WDR37: variants seen among roughly 807,000 people sequenced by gnomAD.
WDR37 encodes the protein WD repeat domain 37.
A neutral mutation model predicts 62.9 loss-of-function variants in WDR37; 19 were observed. The ratio of observed to expected loss-of-function variants is 0.30; its 90% CI spans 0.21 to 0.44. The LOEUF is 0.44. WDR37 is among the 20% of genes least tolerant of loss of function. The pLI, the probability that WDR37 is intolerant of heterozygous loss-of-function variation, is 1.00. For missense variants in WDR37, 474 were observed against 657.6 expected (o/e 0.72, Z 3.05); for synonymous variants, 250 against 260.9 (o/e 0.96, Z 0.40).
chr10:1,122,074 C>T (rs1835598909), intron 11 of WDR37, among the ~76,000 whole-genome samples: 1 of 152,112 alleles, frequency 6.6e-6, no homozygotes, highest in Non-Finnish European at 1.5e-5. Flanking sequence ...TGGTGCTTCT[C>T]TCATCCAGGG....
chr10:1,072,229 T>C lies in WDR37; in HGVS notation c.74T>C (p.Ile25Thr). 1 of 1,614,160 alleles carries C rather than the reference T, an allele frequency of 6.2e-7. No homozygotes were observed. The highest frequency in any genetic ancestry group is 8.5e-7 in the Non-Finnish European group (1 of 1,180,026). ...AAGCGCAAATCCCATAGCCTTTCTA[T>C]ACGAAGAACTAACAGCTCGGAGCAG... ...KQKRKSHSLS[I>T]RRTNSSEQER... The change falls in exon 2 of 14, where the codon ATA becomes ACA. Residue 25 changes from isoleucine to threonine, a missense_variant. Physicochemically the swap from Ile to Thr is moderately conservative, Grantham distance 89. Coordinates refer to ENST00000263150, the MANE Select transcript of WDR37 (RefSeq NM_014023.4).
At chr10:1,078,045 A>G (rs1387774085) in intron 3 of WDR37, 42 bp downstream of exon 3, 1 of 1,447,028 alleles carries the variant, frequency 6.9e-7, no homozygotes, top group African/African-American at 1.4e-5. Context: ...AGCTTTACCT[A>G]TCCATAGTCA....
intron 11 of WDR37, among the ~76,000 whole-genome samples, chr10:1,110,602 G>C (rs976790313): frequency 3.3e-5 from 5 of 152,210 alleles, no homozygotes; most frequent in Non-Finnish European, 4.4e-5. Flanking sequence ...GGTGAGGTCC[G>C]GGGTGCGGGT....
At chr10:1,101,242 G>A (rs1345906781) in intron 9 of WDR37, among the ~76,000 whole-genome samples, 1 of 152,114 alleles carries the variant, frequency 6.6e-6, no homozygotes, top group Admixed American at 6.5e-5. Context: ...CAACAGATCC[G>A]TGTTCTAAAC....
At chr10:1,087,894 G>T (rs943849228) in intron 7 of WDR37, among the ~76,000 whole-genome samples, 2 of 152,168 alleles carry the variant, frequency 1.3e-5, no homozygotes, top group Admixed American at 6.5e-5. Context: ...CCAATATAAG[G>T]CTGTTTGTTT....
At chr10:1,093,393 A>G (rs1408857015) in intron 7 of WDR37, 59 bp from the exon 8 acceptor site, 2 of 1,362,270 alleles carry the variant, frequency 1.5e-6, no homozygotes, top group African/African-American at 1.4e-5. Context: ...TAGCTAATAA[A>G]TGTTGATAAC....
intron 12 of WDR37, 88 bp from the exon 13 acceptor site, chr10:1,124,822 A>G (rs943798911): frequency 2.6e-6 from 4 of 1,515,520 alleles, no homozygotes; most frequent in Non-Finnish European, 3.6e-6. Flanking sequence ...TGTGAATAAT[A>G]TGGAACCTCC....
intron 1 of WDR37, among the ~76,000 whole-genome samples, chr10:1,068,041 A>G (rs867395704): frequency 6.6e-6 from 1 of 152,070 alleles, no homozygotes; most frequent in South Asian, 2.1e-4. Flanking sequence ...TAAACAGTGG[A>G]AAAATAGATA....
intron 11 of WDR37, among the ~76,000 whole-genome samples, chr10:1,111,209 T>C (rs992298329): frequency 3.9e-4 from 59 of 152,374 alleles, no homozygotes; most frequent in African/African-American, 1.2e-3. Context: ...TTGTAGGAAC[T>C]AAGCGTAAAT....
chr10:1,114,321 A>G (rs1290032411), intron 11 of WDR37, among the ~76,000 whole-genome samples: 2 of 152,172 alleles, frequency 1.3e-5, no homozygotes, highest in East Asian at 3.9e-4. Flanking sequence ...GGAGAAATCA[A>G]TTGCTATAGC....
chr10:1,071,043 C>T (rs1449004558), intron 1 of WDR37, among the ~76,000 whole-genome samples: 1 of 152,218 alleles, frequency 6.6e-6, no homozygotes, highest in Admixed American at 6.5e-5. Flanking sequence ...CGTAAGTCAC[C>T]ATTGTAACTG....
chr10:1,126,372 C>T (rs574657032), intron 13 of WDR37, among the ~76,000 whole-genome samples: 13 of 149,698 alleles, frequency 8.7e-5, no homozygotes, highest in South Asian at 8.5e-4. Context: ...CGCCACTGCA[C>T]TCCAGCCTGG....
At chr10:1,086,241 A>C (rs373581585) in intron 6 of WDR37, 45 bp from the exon 7 acceptor site, 43 of 1,532,236 alleles carry the variant, frequency 2.8e-5, no homozygotes, top group Middle Eastern at 1.7e-4. Context: ...AAAAACTATA[A>C]ACTGATGATA....
At chr10:1,101,974 A>T (rs1418412678) in intron 9 of WDR37, among the ~76,000 whole-genome samples, 4 of 151,138 alleles carry the variant, frequency 2.6e-5, no homozygotes, top group Non-Finnish European at 4.4e-5. Flanking sequence ...TCCATGTGAT[A>T]TGTGTTCCCG....
chr10:1,123,716 C>T (rs1835656575), intron 11 of WDR37: 1 of 152,714 alleles, frequency 6.5e-6, no homozygotes, highest in South Asian at 2.1e-4. Flanking sequence ...AATGTTGATC[C>T]AAGTCCTTTG....
intron 1 of WDR37, among the ~76,000 whole-genome samples, chr10:1,061,757 G>T (rs7093383): frequency 0.91 from 138,147 of 151,648 alleles, 63,057 homozygotes; most frequent in Non-Finnish European, 0.93. Flanking sequence ...GAGAATTGCT[G>T]GAACCTGGGA....
At chr10:1,100,992 C>T (rs537965574) in intron 9 of WDR37, among the ~76,000 whole-genome samples, 23 of 152,340 alleles carry the variant, frequency 1.5e-4, no homozygotes, top group African/African-American at 3.4e-4. Flanking sequence ...TCTCAGGAAA[C>T]GTCCCTGTCA....
chr10:1,066,338 G>A (rs11250246), intron 1 of WDR37, among the ~76,000 whole-genome samples: 13,622 of 152,190 alleles, frequency 0.09, 736 homozygotes, highest in East Asian at 0.18. Flanking sequence ...GGATGGTCTC[G>A]AAGTCCTGAC....
rs1224244197 is a variant in WDR37 at position 1,130,499 on chromosome 10, G to C, written c.*1155G>C. The stretch of plus-strand genomic sequence containing the variant: ...TCTCAGTGCCAGTCCCGCCACTGCT[G>C]AGTGAGCCTGGTGTTCTTGCCTTCT... On this transcript the variant is annotated 3_prime_UTR_variant, in exon 14 of 14. Transcript: ENST00000263150. 5.2e-5 allele frequency: 8 copies of C among 152,632 alleles called. No individual in the cohort carries two copies. The highest frequency in any genetic ancestry group is 1.0e-4 in the Non-Finnish European group (7 of 68,056). The allele number at this position is 152,632 out of a possible 1,614,324, so 9.5% of individuals were successfully genotyped here. A position where few individuals can be genotyped will look rare whatever the true frequency, so the allele number is the denominator to read the frequency against.
Sources: gnomAD v4.1 joint callset for allele counts (sites outside exome capture counted in the v4.1 genomes callset) on GRCh38, gnomAD v4.1.1 for gene constraint, MANE v1.5 for transcripts, NCBI Gene and HGNC (gene_info 2026-07-23, HGNC 2026-07-21) for gene names.